The following NSUN6 variants were observed in gnomAD, a reference collection of about 807,000 sequenced individuals.
NSUN6 encodes NOP2/Sun RNA methyltransferase 6.
In NSUN6, 64 loss-of-function variants were observed where a neutral mutation model predicts 58.0. The observed-to-expected ratio is 1.10, with a 90% CI of 0.90 to 1.36. The LOEUF is 1.36. Ranked by LOEUF, NSUN6 falls within the 40% of genes most tolerant of loss-of-function variation. The probability of loss-of-function intolerance (pLI) is 0.00; values close to 1 mark genes in which losing one functional copy is unlikely to be tolerated. For missense variants in NSUN6, 701 were observed against 550.1 expected (o/e 1.27, Z -2.74); for synonymous variants, 231 against 193.9 (o/e 1.19, Z -1.59).
intron 8 of NSUN6, among the ~76,000 whole-genome samples, chr10:18,562,056 G>A (rs2055554779): frequency 6.6e-6 from 1 of 151,150 alleles, no homozygotes; most frequent in Non-Finnish European, 1.5e-5. Context: ...GCATGGAATG[G>A]AGTGGAGCAT....
At position 18,615,722 on chromosome 10, in the gene NSUN6, G is replaced by T. The variant is rs558109987; in HGVS notation, c.421+462C>A. Among the ~76,000 whole-genome samples the T allele has an allele frequency of 2.0e-5, 3 of 152,178 alleles. No homozygotes were observed. The East Asian group carries it at 5.8e-4, about 29-fold the overall frequency. ...GTTTCTTGATTTCAAGTCCAATAAGGTACCACTGAACCACAGTGACTAACT... is the reference window on the plus strand; with the variant it reads ...GTTTCTTGATTTCAAGTCCAATAAGTTACCACTGAACCACAGTGACTAACT... On this transcript the variant is annotated intron_variant, in intron 4 of 10. Coordinates refer to ENST00000377304, the MANE Select transcript of NSUN6 (RefSeq NM_182543.5).
intron 8 of NSUN6, among the ~76,000 whole-genome samples, chr10:18,565,412 A>G (rs2055852729): frequency 6.8e-6 from 1 of 147,246 alleles, no homozygotes; most frequent in Non-Finnish European, 1.5e-5. Context: ...ATTCCATTCC[A>G]TACCATTCTC....
In NSUN6 at chr10:18,600,961, CATATATATATATATATGT is replaced by C. The variant is rs1356527555; in HGVS notation, c.658-4652_658-4635del. On this transcript the variant is annotated intron_variant, in intron 6 of 10. Transcript: ENST00000377304. ...AAAAAAATATATATATATATATATA[CATATATATATATATATGT>C]ATATATATATATATTATATACTAGC... is the stretch of plus-strand genomic sequence containing the variant. Among the ~76,000 whole-genome samples, 16 of 47,814 alleles carry C rather than the reference CATATATATATATATATGT, an allele frequency of 3.3e-4. No individual in the cohort carries two copies. In the South Asian group the frequency reaches 7.9e-3, roughly 23 times the overall value. The allele number at this position is 47,814 out of a possible 152,430, so 31.4% of individuals were successfully genotyped here.
rs181561819 is a variant in NSUN6, at chr10:18,574,205, G to A, written c.922+11744C>T. ...GCCTCAATGCATCCAGTCCAACACGGCTACCACAGTTATTAGTCGAAGAAA... is the reference window on the plus strand; with the variant it reads ...GCCTCAATGCATCCAGTCCAACACGACTACCACAGTTATTAGTCGAAGAAA... On this transcript the variant is annotated intron_variant, in intron 8 of 10. Coordinates refer to ENST00000377304, the MANE Select transcript of NSUN6 (RefSeq NM_182543.5). Among the ~76,000 whole-genome samples, 187 of 152,154 alleles carry A rather than the reference G, an allele frequency of 1.2e-3. 1 individual carries two copies. The highest frequency in any genetic ancestry group is 4.4e-3 in the African/African-American group (182 of 41,540).
At chr10:18,626,667 C>G (rs1442470852) in intron 3 of NSUN6, among the ~76,000 whole-genome samples, 2 of 152,120 alleles carry the variant, frequency 1.3e-5, no homozygotes, top group African/African-American at 2.4e-5. Flanking sequence ...ACTCAGGAGG[C>G]TGAGGCAGGA....
At chr10:18,632,661 A>T (rs530974657) in intron 3 of NSUN6, among the ~76,000 whole-genome samples, 44 of 152,362 alleles carry the variant, frequency 2.9e-4, no homozygotes, top group Non-Finnish European at 5.1e-4. Flanking sequence ...AAAAATGCTC[A>T]CCATCACTGG....
At chr10:18,624,635 G>A (rs1319739202) in intron 3 of NSUN6, among the ~76,000 whole-genome samples, 29 of 100,818 alleles carry the variant, frequency 2.9e-4, no homozygotes, top group South Asian at 2.0e-3. Context: ...GAGACAGAGC[G>A]AGACTCTGTC....
At chr10:18,627,735 AT>A (rs2058868806) in intron 3 of NSUN6, among the ~76,000 whole-genome samples, 1 of 152,244 alleles carries the variant, frequency 6.6e-6, no homozygotes, top group South Asian at 2.1e-4. Flanking sequence ...AGGAGACTAT[AT>A]CCCGCGGCTC....
At chr10:18,617,578 A>G (rs7100880) in intron 3 of NSUN6, among the ~76,000 whole-genome samples, 60,966 of 151,924 alleles carry the variant, frequency 0.4, 12,859 homozygotes, top group East Asian at 0.74. Context: ...CTAAACAATA[A>G]TCAGTTTTCC....
intron 8 of NSUN6, among the ~76,000 whole-genome samples, chr10:18,559,334 G>A (rs1257798489): frequency 2.0e-5 from 3 of 150,110 alleles, no homozygotes; most frequent in African/African-American, 7.3e-5. Context: ...GGGATGGAAT[G>A]GAGAATTGAT....
rs190367168 is a variant in NSUN6, at chr10:18,551,135, T to C, written c.1071+688A>G. ...GTGACTTTTTTCAGATAGAGAATAT[T>C]TGAAATTTATTAAATATCTCAGTGA... On this transcript the variant is annotated intron_variant, in intron 9 of 10. Transcript: ENST00000377304. Among the ~76,000 whole-genome samples, 494 of 152,228 alleles carry C rather than the reference T, an allele frequency of 3.2e-3. 6 individuals are homozygous for C. The highest frequency in any genetic ancestry group is 0.011 in the African/African-American group (474 of 41,548).
chr10:18,650,846 C>A (rs1340750541), intron 1 of NSUN6, among the ~76,000 whole-genome samples: 3 of 152,218 alleles, frequency 2.0e-5, no homozygotes, highest in African/African-American at 7.2e-5. Context: ...AAGACAGGGA[C>A]CTTTTCTTGT....
chr10:18,551,718 C>T, intron 9 of NSUN6, 105 bp downstream of exon 9: 1 of 906,988 alleles, frequency 1.1e-6, no homozygotes. Flanking sequence ...TTGTTCCCAC[C>T]TTTTGGCTAT....
At chr10:18,559,260 T>C (rs1009642909) in intron 8 of NSUN6, among the ~76,000 whole-genome samples, 3 of 141,574 alleles carry the variant, frequency 2.1e-5, no homozygotes, top group African/African-American at 7.9e-5. Context: ...ATGTAACGGA[T>C]GGAGAATGGA....
At chr10:18,634,745 A>G (rs2059155173) in intron 3 of NSUN6, among the ~76,000 whole-genome samples, 1 of 144,382 alleles carries the variant, frequency 6.9e-6, no homozygotes, top group Admixed American at 7.2e-5. Flanking sequence ...TGACAGAGCG[A>G]GACTCTGTCT....
chr10:18,593,212 G>C (rs969851523), intron 7 of NSUN6, among the ~76,000 whole-genome samples: 12 of 152,186 alleles, frequency 7.9e-5, no homozygotes, highest in African/African-American at 2.9e-4. Context: ...AACAGATGCT[G>C]GCAAGGATGT....
chr10:18,575,724 A>T (rs1319833976), intron 8 of NSUN6, among the ~76,000 whole-genome samples: 1 of 152,158 alleles, frequency 6.6e-6, no homozygotes, highest in Non-Finnish European at 1.5e-5. Flanking sequence ...TTTGAAATGC[A>T]CCACGGAAAG....
At chr10:18,559,389 T>C (rs944645647) in intron 8 of NSUN6, among the ~76,000 whole-genome samples, 1 of 143,684 alleles carries the variant, frequency 7.0e-6, no homozygotes, top group Non-Finnish European at 1.5e-5. Context: ...GAGAATATAA[T>C]GGAAAGGAAT....
rs1002172416 is a variant in NSUN6, at chr10:18,580,802, T to G, written c.922+5147A>C. ...GTTCTGAAGCTCTCCCCAAGTGAACTTGCTAGCAGGAGTAACTCTGTTTGG... is the reference window on the plus strand; with the variant it reads ...GTTCTGAAGCTCTCCCCAAGTGAACGTGCTAGCAGGAGTAACTCTGTTTGG... On this transcript the variant is annotated intron_variant, in intron 8 of 10. Transcript: ENST00000377304. Among the ~76,000 whole-genome samples, 14 of 152,270 alleles carry G rather than the reference T, an allele frequency of 9.2e-5. 1 individual carries two copies. Among genetic ancestry groups the G allele is most frequent in the South Asian group, 8.3e-4 (4 of 4,826 alleles).
Sources: allele counts gnomAD v4.1 joint callset (sites outside exome capture counted in the v4.1 genomes callset), GRCh38; gene constraint gnomAD v4.1.1; transcripts MANE v1.5; gene names NCBI Gene and HGNC (gene_info 2026-07-23, HGNC 2026-07-21).